OGG1: variants seen among roughly 807,000 people sequenced by gnomAD.
The protein encoded by OGG1 is 8-oxoguanine DNA glycosylase.
In OGG1, 35 loss-of-function variants were observed where a neutral mutation model predicts 42.3. The observed-to-expected ratio is 0.83, with a 90% CI of 0.63 to 1.10. The LOEUF is 1.10. OGG1 is among the 50% of genes least tolerant of loss of function. The pLI is 0.00. For missense variants in OGG1, 484 were observed against 446.7 expected, an observed-to-expected ratio of 1.08 and a Z score of -0.75; for synonymous variants, 189 against 179.0, an observed-to-expected ratio of 1.06 and a Z score of -0.44.
intron 7 of OGG1, among the ~76,000 whole-genome samples, chr3:9,764,832 G>A (rs936893771): frequency 2.0e-5 from 3 of 151,712 alleles, no homozygotes; most frequent in African/African-American, 7.2e-5. Flanking sequence ...GGGTTTCTCC[G>A]TGTTGGTCAG....
downstream of OGG1, chr3:9,761,053 A>G (rs910070509): frequency 9.5e-6 from 4 of 420,884 alleles, no homozygotes; most frequent in African/African-American, 6.0e-5. Context: ...CCACTCGGTC[A>G]TCACCTCCAC....
At chr3:9,751,422 C>A (rs925560607) in intron 2 of OGG1, among the ~76,000 whole-genome samples, 1 of 152,154 alleles carries the variant, frequency 6.6e-6, no homozygotes, top group Non-Finnish European at 1.5e-5. Flanking sequence ...GGATTTTGAG[C>A]CCATTCCTGG....
chr3:9,756,408 T>G, intron 4 of OGG1, 63 bp from the exon 5 acceptor site: 3 of 1,581,150 alleles, frequency 1.9e-6, no homozygotes, highest in Non-Finnish European at 2.6e-6. Context: ...TTTGGGGCTA[T>G]AAGCAAGATG....
downstream of OGG1, chr3:9,757,698 C>T: frequency 1.6e-5 from 26 of 1,614,066 alleles, no homozygotes; most frequent in Non-Finnish European, 2.1e-5. This position sits in a 1 kb window ranked among gnomAD's most constrained non-coding sequence, Gnocchi z 4.5. Context: ...TTGTGGACCA[C>T]CCATGCCCTT....
downstream of OGG1, chr3:9,759,919 G>A (rs1011733727): frequency 3.8e-5 from 39 of 1,019,242 alleles, no homozygotes; most frequent in Admixed American, 1.7e-4. Flanking sequence ...CTCCCACCCC[G>A]TGCCTTCCAG....
intron 3 of OGG1, chr3:9,787,180 A>C (rs1423117683): frequency 6.2e-7 from 1 of 1,614,062 alleles, no homozygotes; most frequent in Non-Finnish European, 8.5e-7. Context: ...TGGGGTTGGC[A>C]GGGAGGTGAG....
chr3:9,750,004 C>T lies in OGG1; in HGVS notation c.-283C>T. On this transcript the variant is annotated 5_prime_UTR_variant, in exon 1 of 7. Coordinates refer to ENST00000344629, the MANE Select transcript of OGG1 (RefSeq NM_002542.6). ...ACCCAGAAGAACACAGCTGTGCGCG[C>T]CCACAGGCTCTGGGGGCGGGAGAAG... The T allele has an allele frequency of 2.0e-6, 1 of 498,514 alleles. No individual in the cohort carries two copies. The highest frequency in any genetic ancestry group is 3.6e-6 in the Non-Finnish European group (1 of 276,740). 30.9% of individuals were successfully genotyped at this position (498,514 alleles called of 1,614,324 possible).
downstream of OGG1, chr3:9,767,814 G>A: frequency 6.2e-6 from 10 of 1,602,568 alleles, no homozygotes; most frequent in Non-Finnish European, 8.5e-6. Flanking sequence ...AGACTCAGCA[G>A]AGCCCAGCCC....
At chr3:9,766,394 A>G in exon 8 of OGG1, 1 of 571,750 alleles carries the variant, frequency 1.7e-6, no homozygotes, top group South Asian at 1.8e-5. Flanking sequence ...GGCTAATTTA[A>G]CACCCTTTAG....
chr3:9,752,529 C>CAA (rs144337359), intron 3 of OGG1, among the ~76,000 whole-genome samples: 6,314 of 74,176 alleles, frequency 0.085, 321 homozygotes, highest in East Asian at 0.13. Context: ...GACTCTGTCT[C>CAA]AAAAAAAAAA....
chr3:9,763,171 C>T (rs1330382466), intron 7 of OGG1: 9 of 1,613,922 alleles, frequency 5.6e-6, no homozygotes, highest in Non-Finnish European at 7.6e-6. Flanking sequence ...GGCCCCCACT[C>T]TCATAGATGT....
At chr3:9,762,930 A>T in intron 7 of OGG1, 1 of 1,614,144 alleles carries the variant, frequency 6.2e-7, no homozygotes, top group Non-Finnish European at 8.5e-7. Context: ...ATCCCGGTGT[A>T]CAATGCCCAG....
chr3:9,783,898 T>G, intron 3 of OGG1: 1 of 1,410,776 alleles, frequency 7.1e-7, no homozygotes, highest in African/African-American at 1.4e-5. Flanking sequence ...GCTGTTTTTT[T>G]CGAGGCTCTC....
At position 9,762,924 on chromosome 3, in the gene OGG1, C is replaced by T. The variant is rs372278723; in HGVS notation, c.1049-2885C>T. The stretch of plus-strand genomic sequence containing the variant: ...CCCCTTGAGCCCCACCTTGAGATCC[C>T]GGTGTACAATGCCCAGGTCATGCAG... On this transcript the variant is annotated intron_variant, in intron 7 of 7. Coordinates refer to the OGG1 transcript ENST00000302008. 3.7e-6 allele frequency: 6 copies of T among 1,613,958 alleles called. No homozygotes were observed. In the Admixed American group the frequency reaches 5.0e-5, roughly 13 times the overall value.
chr3:9,759,834 C>T, downstream of OGG1: 1 of 1,610,306 alleles, frequency 6.2e-7, no homozygotes, highest in East Asian at 2.2e-5. Flanking sequence ...TCCCTCAGGT[C>T]TGGCCTGGCA....
intron 3 of OGG1, chr3:9,785,252 G>A: frequency 7.5e-7 from 1 of 1,330,236 alleles, no homozygotes; most frequent in Non-Finnish European, 1.1e-6. Flanking sequence ...TCCCCAGGTT[G>A]AGATGGAGAG....
At chr3:9,753,874 T>C (rs2077419967) in intron 3 of OGG1, among the ~76,000 whole-genome samples, 3 of 152,338 alleles carry the variant, frequency 2.0e-5, no homozygotes, top group Middle Eastern at 3.4e-3. Flanking sequence ...GGGTAGCTCA[T>C]GCTGGTAATT....
chr3:9,757,618 G>A (rs747559252), downstream of OGG1: 11 of 1,614,162 alleles, frequency 6.8e-6, no homozygotes, highest in Admixed American at 3.3e-5. This position sits in a 1 kb window ranked among gnomAD's most constrained non-coding sequence, Gnocchi z 4.5. Context: ...GCCAGCTGCC[G>A]GCCCTGCATG....
At chr3:9,752,064 G>T in intron 3 of OGG1, 115 bp downstream of exon 3, 1 of 954,358 alleles carries the variant, frequency 1.0e-6, no homozygotes. Context: ...CCCCTATCCA[G>T]AACCGCCCTG....
Sources: gnomAD v4.1 joint callset for allele counts (sites outside exome capture counted in the v4.1 genomes callset) on GRCh38, gnomAD v4.1.1 for gene constraint, Gnocchi (gnomAD v3.1) non-coding constraint, MANE v1.5 for transcripts, NCBI Gene and HGNC (gene_info 2026-07-23, HGNC 2026-07-21) for gene names.